Variants in RBMS3 observed in about 807,000 individuals in gnomAD.
The protein encoded by RBMS3 is RNA binding motif single stranded interacting protein 3.
In RBMS3, 27 loss-of-function variants were observed where a neutral mutation model predicts 66.8. The ratio of observed to expected loss-of-function variants is 0.40; its 90% CI spans 0.30 to 0.56. The LOEUF (loss-of-function observed/expected upper bound fraction) is 0.56, where lower values mean the gene tolerates loss of function less well. Ranked by LOEUF, RBMS3 falls within the 20% of genes least tolerant of loss-of-function variation. The pLI is 0.40. For missense variants in RBMS3, 513 were observed against 549.5 expected (o/e 0.93, Z 0.66); for synonymous variants, 188 against 183.0 (o/e 1.03, Z -0.22).
At chr3:29,994,865 C>T (rs1313763174) in intron 14 of RBMS3, among the ~76,000 whole-genome samples, 1 of 152,144 alleles carries the variant, frequency 6.6e-6, no homozygotes, top group Non-Finnish European at 1.5e-5. Context: ...ACGCAGAGTG[C>T]CTCTCCTCCT....
chr3:29,802,107 C>T (rs140493714), intron 6 of RBMS3, among the ~76,000 whole-genome samples: 1 of 152,124 alleles, frequency 6.6e-6, no homozygotes, highest in Non-Finnish European at 1.5e-5. Flanking sequence ...TGCTTATTTT[C>T]TCTGGTGTTT....
At chr3:29,379,327 G>C (rs993923690) in intron 1 of RBMS3, among the ~76,000 whole-genome samples, 1 of 152,108 alleles carries the variant, frequency 6.6e-6, no homozygotes, top group Non-Finnish European at 1.5e-5. Context: ...AATTTTTTAA[G>C]TTGATAAGAA....
At chr3:29,407,923 T>G (rs911436044) in intron 1 of RBMS3, among the ~76,000 whole-genome samples, 7 of 152,092 alleles carry the variant, frequency 4.6e-5, no homozygotes, top group Non-Finnish European at 1.0e-4. Flanking sequence ...TTAAGAGACA[T>G]TATGGAACTC....
At chr3:29,847,648 T>A (rs1208916073) in intron 6 of RBMS3, among the ~76,000 whole-genome samples, 1 of 151,844 alleles carries the variant, frequency 6.6e-6, no homozygotes, top group Non-Finnish European at 1.5e-5. Flanking sequence ...GTGTTTTATT[T>A]TTTTTTTTTT....
chr3:29,491,382 G>A (rs915870248), intron 3 of RBMS3, among the ~76,000 whole-genome samples: 1 of 152,170 alleles, frequency 6.6e-6, no homozygotes, highest in Non-Finnish European at 1.5e-5. Context: ...GGTGATACAA[G>A]ACTGTTTATT....
intron 14 of RBMS3, among the ~76,000 whole-genome samples, chr3:30,001,762 A>G (rs1467559690): frequency 6.6e-6 from 1 of 150,968 alleles, no homozygotes; most frequent in Admixed American, 6.6e-5. Context: ...CCTGTTTTCA[A>G]GTTATTTCTT....
chr3:29,652,586 C>A (rs2050184763), intron 4 of RBMS3, among the ~76,000 whole-genome samples: 1 of 151,868 alleles, frequency 6.6e-6, no homozygotes, highest in African/African-American at 2.4e-5. Context: ...GAATCAGAGA[C>A]AAAATTAAAA....
intron 4 of RBMS3, among the ~76,000 whole-genome samples, chr3:29,653,065 G>A (rs2050199267): frequency 6.6e-6 from 1 of 152,136 alleles, no homozygotes. Context: ...AAGAGAAATT[G>A]TTGGGAAAAA....
At chr3:29,368,762 G>A (rs141173181) in intron 1 of RBMS3, among the ~76,000 whole-genome samples, 282 of 152,186 alleles carry the variant, frequency 1.9e-3, no homozygotes, top group African/African-American at 6.5e-3. Flanking sequence ...AAAACAGTGT[G>A]GTGATTCCTC....
intron 10 of RBMS3, among the ~76,000 whole-genome samples, chr3:29,901,014 A>C (rs2060239464): frequency 6.6e-6 from 1 of 151,350 alleles, no homozygotes; most frequent in Admixed American, 6.6e-5. Flanking sequence ...ACATTTTGAT[A>C]GTTTTTTATT....
intron 1 of RBMS3, among the ~76,000 whole-genome samples, chr3:29,362,482 C>G (rs1173861936): frequency 6.6e-6 from 1 of 152,218 alleles, no homozygotes; most frequent in Non-Finnish European, 1.5e-5. Flanking sequence ...CCCAGATAGG[C>G]TGCTCGGGGG....
intron 1 of RBMS3, among the ~76,000 whole-genome samples, chr3:29,339,398 G>C (rs1467517242): frequency 3.3e-5 from 5 of 152,130 alleles, no homozygotes; most frequent in African/African-American, 1.2e-4. Context: ...AGTGGCTGCA[G>C]GTCCTCGCAG....
At chr3:29,582,061 A>G (rs1358032910) in intron 3 of RBMS3, among the ~76,000 whole-genome samples, 3 of 152,306 alleles carry the variant, frequency 2.0e-5, no homozygotes, top group African/African-American at 7.2e-5. Flanking sequence ...CTGAATGGCA[A>G]AGGTCTCAGG....
intron 3 of RBMS3, among the ~76,000 whole-genome samples, chr3:29,508,762 G>A (rs138737007): frequency 6.6e-6 from 1 of 151,784 alleles, no homozygotes; most frequent in African/African-American, 2.4e-5. Flanking sequence ...CTAGATCCTT[G>A]AGAAATCACC....
intron 4 of RBMS3, chr3:29,642,954 G>C (rs934037662): frequency 6.6e-6 from 1 of 152,064 alleles, no homozygotes; most frequent in Non-Finnish European, 1.5e-5. Flanking sequence ...CAAGCCTGGC[G>C]ATGTTCATTT....
intron 3 of RBMS3, among the ~76,000 whole-genome samples, chr3:29,506,925 T>G (rs1206685410): frequency 6.6e-6 from 1 of 151,848 alleles, no homozygotes; most frequent in Non-Finnish European, 1.5e-5. Flanking sequence ...AGCTATAATA[T>G]CTCCTCTTTC....
intron 3 of RBMS3, among the ~76,000 whole-genome samples, chr3:29,575,390 A>G (rs1184173505): frequency 6.6e-6 from 1 of 150,854 alleles, no homozygotes; most frequent in Non-Finnish European, 1.5e-5. Flanking sequence ...GCTCCATTGT[A>G]TGTTGTCTTT....
intron 4 of RBMS3, among the ~76,000 whole-genome samples, chr3:29,668,470 G>C (rs542591349): frequency 2.6e-5 from 4 of 152,152 alleles, no homozygotes; most frequent in African/African-American, 9.7e-5. Flanking sequence ...TTGCTGGAAC[G>C]TGTAGCTGCC....
rs528265732 is a variant in RBMS3, at chr3:29,971,250, G to A, written c.1099-16893G>A. ...TTCATTACCAATGATTTCAGCCTTG[G>A]CCTCACTTCAGAATGCCTTTTAACA... On this transcript the variant is annotated intron_variant, in intron 12 of 14. Coordinates refer to ENST00000383767, the MANE Select transcript of RBMS3 (RefSeq NM_001003793.3). Among the ~76,000 whole-genome samples the A allele has an allele frequency of 2.6e-5, 4 of 152,144 alleles. 1 individual carries two copies. In the South Asian group the frequency reaches 8.3e-4, roughly 32 times the overall value.
Sources: allele counts gnomAD v4.1 joint callset (sites outside exome capture counted in the v4.1 genomes callset), GRCh38; gene constraint gnomAD v4.1.1; transcripts MANE v1.5; gene names NCBI Gene and HGNC (gene_info 2026-07-23, HGNC 2026-07-21).